Variants in DYTN observed in about 807,000 individuals in gnomAD.
The protein encoded by DYTN is dystrotelin.
DYTN carries 75 observed loss-of-function variants against 69.6 expected under a neutral mutation model. The ratio of observed to expected loss-of-function variants is 1.08; its 90% CI spans 0.89 to 1.31. The LOEUF (loss-of-function observed/expected upper bound fraction) is 1.31. DYTN is among the 50% of genes most tolerant of loss of function. The pLI is 0.00. For synonymous variants in DYTN, 252 were observed against 249.1 expected, an observed-to-expected ratio of 1.01 and a Z score of -0.11; for missense variants, 726 against 688.4, an observed-to-expected ratio of 1.05 and a Z score of -0.61.
intron 7 of DYTN, among the ~76,000 whole-genome samples, chr2:206,696,601 A>C (rs749353593): frequency 6.6e-6 from 1 of 152,220 alleles, no homozygotes; most frequent in Non-Finnish European, 1.5e-5. Context: ...CTCATTTTGC[A>C]GATGAGGAAA....
intron 2 of DYTN, among the ~76,000 whole-genome samples, chr2:206,708,413 A>G (rs757795221): frequency 1.3e-5 from 2 of 152,198 alleles, no homozygotes; most frequent in Non-Finnish European, 2.9e-5. Context: ...TACTTCGTAA[A>G]TCAACCTCAG....
In DYTN at chr2:206,651,846, TCAA is replaced by T; in HGVS notation, c.1706_1708del (p.Val569del). 1.9e-6 allele frequency: 3 copies of T among 1,613,532 alleles called. No homozygotes were observed. The highest frequency in any genetic ancestry group is 2.5e-6 in the Non-Finnish European group (3 of 1,179,610). ...CTTCAAATTGGGCAAGGCAATTTGA[TCAA>T]CAAGGGCAGAGAAGGCCCTGCACAC... On this transcript the variant is annotated inframe_deletion, in exon 12 of 12. Transcript: ENST00000452335.
intron 9 of DYTN, among the ~76,000 whole-genome samples, chr2:206,673,360 C>T (rs554271364): frequency 1.3e-5 from 2 of 152,222 alleles, no homozygotes; most frequent in South Asian, 4.1e-4. Flanking sequence ...TGGGTTCAAG[C>T]GATTCTCCTG....
intron 9 of DYTN, among the ~76,000 whole-genome samples, chr2:206,666,508 T>C (rs1255402565): frequency 6.6e-6 from 1 of 152,186 alleles, no homozygotes; most frequent in Non-Finnish European, 1.5e-5. Context: ...CTCTACTGGC[T>C]ACTTAAATAG....
chr2:206,707,441 G>A lies in DYTN; in HGVS notation c.157C>T (p.Arg53Cys), dbSNP rs780839376. 9.9e-6 allele frequency: 16 copies of A among 1,612,886 alleles called. No homozygotes were observed. Among genetic ancestry groups the A allele is most frequent in the South Asian group, 2.2e-5 (2 of 90,628 alleles). Residue 53 changes from arginine to cysteine, a missense_variant, in exon 3 of 12, where the codon CGC becomes TGC. By Grantham distance (180) the Arg-to-Cys change is radical. Transcript: ENST00000452335. The part of the protein sequence containing the change: ...VLLRPSFWEA[R>C]KHSLSVQQLS... The stretch of plus-strand genomic sequence containing the variant: ...TGCTGCACAGAAAGGGAGTGCTTGC[G>A]AGCTTCCCAGAAACTTGGACGCAGT...
In DYTN at chr2:206,663,380, G is replaced by C; in HGVS notation, c.1156C>G (p.Pro386Ala). 1 of 1,597,888 alleles carries C rather than the reference G, an allele frequency of 6.3e-7. No individual in the cohort carries two copies. Among genetic ancestry groups the C allele is most frequent in the Non-Finnish European group, 8.5e-7 (1 of 1,172,308 alleles). ...TGAAAGGAAGAAGATGAAGGACCGG[G>C]TGGCTGCAACCTTGCCTGGGGAAAC... is the stretch of plus-strand genomic sequence containing the variant. ...RRDLQARLQP[P>A]GPSSSSFQNV... The change falls in exon 11 of 12, where the codon CCC becomes GCC. Residue 386 changes from proline to alanine, a missense_variant. Physicochemically the swap from Pro to Ala is conservative, Grantham distance 27. Coordinates refer to ENST00000452335, the MANE Select transcript of DYTN (RefSeq NM_001093730.1).
chr2:206,709,501 G>A (rs780050340), intron 2 of DYTN, among the ~76,000 whole-genome samples: 3 of 151,776 alleles, frequency 2.0e-5, no homozygotes, highest in African/African-American at 7.3e-5. Context: ...ACACGGTATG[G>A]AAAATAGAGA....
chr2:206,696,386 A>G (rs927498410), intron 7 of DYTN, among the ~76,000 whole-genome samples: 1 of 152,194 alleles, frequency 6.6e-6, no homozygotes, highest in African/African-American at 2.4e-5. Flanking sequence ...GAGCAGGAGA[A>G]TGTAAATACC....
At chr2:206,681,849 T>C (rs1475275243) in intron 9 of DYTN, among the ~76,000 whole-genome samples, 3 of 152,222 alleles carry the variant, frequency 2.0e-5, no homozygotes, top group Non-Finnish European at 4.4e-5. Flanking sequence ...TTTTTTGTTA[T>C]GTCTCTGCCA....
Position 206,700,328 on chromosome 2 carries a change from A to G in DYTN, c.484-112T>C, listed in dbSNP as rs1025255301. 3.7e-5 allele frequency: 43 copies of G among 1,146,810 alleles called. No individual in the cohort carries two copies. The Admixed American group carries it at 7.6e-4, about 20-fold the overall frequency. The allele number at this position is 1,146,810 out of a possible 1,614,324, so 71.0% of individuals were successfully genotyped here. The stretch of plus-strand genomic sequence containing the variant: ...GGCTGTGTAGTCACAAGTATTTGGT[A>G]TCTGAGACGAGGTGAACTGTCTCAA... On this transcript the variant is annotated intron_variant, in intron 5 of 11. Transcript: ENST00000452335.
chr2:206,699,602 G>T, intron 7 of DYTN, 125 bp downstream of exon 7: 1 of 1,195,908 alleles, frequency 8.4e-7, no homozygotes, highest in Non-Finnish European at 1.1e-6. Flanking sequence ...AAATCATTGA[G>T]CCAAAAAAGT....
Position 206,700,790 on chromosome 2 carries a change from TA to T in DYTN, c.484-575del, listed in dbSNP as rs553930683. Among the ~76,000 whole-genome samples, 11 of 152,236 alleles carry T rather than the reference TA, an allele frequency of 7.2e-5. No individual in the cohort carries two copies. The South Asian group carries it at 2.1e-3, about 29-fold the overall frequency. ...CCCCACCCTCTGACAGGACCCAGTG[TA>T]TGATGTTCCCCTCCCTGCGTCCATG... On this transcript the variant is annotated intron_variant, in intron 5 of 11. Transcript: ENST00000452335.
chr2:206,710,513 C>G lies in DYTN; in HGVS notation c.94+11G>C, dbSNP rs1435912826. ...GATTATTTCAAATATTTCAGGAGAG[C>G]CTATACTTACACTGGCACAGAGTTT... On this transcript the variant is annotated intron_variant, in intron 2 of 11. Transcript: ENST00000452335. The G allele has an allele frequency of 2.5e-6, 4 of 1,605,534 alleles. No homozygotes were observed. Among genetic ancestry groups the G allele is most frequent in the Middle Eastern group, 1.7e-4 (1 of 6,054 alleles).
intron 11 of DYTN, among the ~76,000 whole-genome samples, chr2:206,654,511 G>A (rs1024767437): frequency 2.0e-5 from 3 of 151,782 alleles, no homozygotes; most frequent in South Asian, 2.1e-4. Context: ...AATATTTGTC[G>A]ATCAACTGTT....
In DYTN at chr2:206,705,672, C is replaced by T. The variant is rs555363691; in HGVS notation, c.382+116G>A. On this transcript the variant is annotated intron_variant, in intron 4 of 11. Transcript: ENST00000452335. The stretch of plus-strand genomic sequence containing the variant: ...ATAGTAAATATTTTTATTTAATAAA[C>T]ACATAAGTCATGCTGAGTACATGCT... The T allele has an allele frequency of 1.7e-5, 14 of 824,620 alleles. No individual in the cohort carries two copies. The African/African-American group carries it at 1.7e-4, about 10-fold the overall frequency. The allele number at this position is 824,620 out of a possible 1,614,324, so 51.1% of individuals were successfully genotyped here. A position where few individuals can be genotyped will look rare whatever the true frequency, so the allele number is the denominator to read the frequency against.
chr2:206,715,746 T>C (rs1053783328), intron 1 of DYTN, among the ~76,000 whole-genome samples: 8 of 152,084 alleles, frequency 5.3e-5, no homozygotes, highest in Non-Finnish European at 4.4e-5. Context: ...TAGAGAACCA[T>C]AGGAGTTCAA....
At position 206,651,891 on chromosome 2, in the gene DYTN, T is replaced by TAA; in HGVS notation, c.1663_1664insTT (p.Tyr555PhefsTer24). ...CCTGCACACTCGCTGAGCTCCACTG[T>TAA]ACAGGTCCATGTTTACTGAAGACTC... On this transcript the variant is annotated frameshift_variant, in exon 12 of 12. Coordinates refer to ENST00000452335, the MANE Select transcript of DYTN (RefSeq NM_001093730.1). LOFTEE classifies it high-confidence loss of function. The TAA allele has an allele frequency of 6.2e-7, 1 of 1,613,500 alleles. No individual in the cohort carries two copies. The highest frequency in any genetic ancestry group is 8.5e-7 in the Non-Finnish European group (1 of 1,179,548).
intron 9 of DYTN, among the ~76,000 whole-genome samples, chr2:206,685,452 T>C (rs925007549): frequency 6.6e-5 from 10 of 152,142 alleles, no homozygotes; most frequent in African/African-American, 2.4e-4. Context: ...CATGAGCCAC[T>C]TTACCTGGTC....
rs371378266 is a variant in DYTN at position 206,658,917 on chromosome 2, G to T, written c.1633+3986C>A. Among the ~76,000 whole-genome samples the T allele has an allele frequency of 1.2e-3, 183 of 148,674 alleles. 3 individuals are homozygous for T. Among genetic ancestry groups the T allele is most frequent in the African/African-American group, 4.3e-3 (174 of 40,702 alleles). On this transcript the variant is annotated intron_variant, in intron 11 of 11. Coordinates refer to ENST00000452335, the MANE Select transcript of DYTN (RefSeq NM_001093730.1). The stretch of plus-strand genomic sequence containing the variant: ...AAGAAGCTAGAAAAATAACTTAGTA[G>T]ACATATGCAAGAAATTTTACTATCA...
Sources: gnomAD v4.1 joint callset for allele counts (sites outside exome capture counted in the v4.1 genomes callset) on GRCh38, gnomAD v4.1.1 for gene constraint, MANE v1.5 for transcripts, NCBI Gene and HGNC (gene_info 2026-07-23, HGNC 2026-07-21) for gene names.